The following CDKL5 variants were observed in gnomAD, a reference collection of about 807,000 sequenced individuals.
CDKL5 encodes cyclin dependent kinase like 5, also known as cyclin-dependent kinase-like 5.
CDKL5 carries 8 observed loss-of-function variants against 61.7 expected under a neutral mutation model. The observed-to-expected ratio is 0.13, with a 90% CI of 0.08 to 0.23. The LOEUF is 0.23. Ranked by LOEUF, CDKL5 falls within the 10% of genes least tolerant of loss-of-function variation. The pLI is 1.00. For synonymous variants in CDKL5, 275 were observed against 272.3 expected (o/e 1.01, Z -0.10); for missense variants, 440 against 734.5 (o/e 0.60, Z 4.63).
intron 1 of CDKL5, among the ~76,000 whole-genome samples, chrX:18,469,420 G>A (rs1168119840): frequency 1.9e-5 from 2 of 107,079 alleles, no homozygotes; most frequent in African/African-American, 3.4e-5. Flanking sequence ...AGGCCGAGGC[G>A]GGTGGATCAC....
chrX:18,651,375 G>A (rs1928042155), intron 21 of CDKL5, among the ~76,000 whole-genome samples: 1 of 109,934 alleles, frequency 9.1e-6, no homozygotes, highest in Non-Finnish European at 1.9e-5. Context: ...GGAAGATCTA[G>A]GCCTCACCAG....
intron 3 of CDKL5, among the ~76,000 whole-genome samples, chrX:18,522,311 C>T (rs1171883939): frequency 3.0e-5 from 2 of 67,152 alleles, no homozygotes; most frequent in Non-Finnish European, 5.8e-5. Flanking sequence ...GAGGCAGAGT[C>T]TTGCTCTGTT....
chrX:18,539,059 G>A (rs1204984238), intron 3 of CDKL5, among the ~76,000 whole-genome samples: 1 of 111,346 alleles, frequency 9.0e-6, no homozygotes, highest in Non-Finnish European at 1.9e-5. Flanking sequence ...ATGACTGCAG[G>A]ATCTGTAGAG....
At chrX:18,459,689 GCTTT>G (rs1282450529) in intron 1 of CDKL5, among the ~76,000 whole-genome samples, 3 of 103,461 alleles carry the variant, frequency 2.9e-5, no homozygotes, top group Non-Finnish European at 5.9e-5. Context: ...GCCTCAGGAA[GCTTT>G]CTTTCTTTTT....
At chrX:18,442,595 G>A (rs944835858) in intron 1 of CDKL5, among the ~76,000 whole-genome samples, 7 of 111,161 alleles carry the variant, frequency 6.3e-5, no homozygotes, top group Non-Finnish European at 9.4e-5. Context: ...CCGGGTTCAC[G>A]CCATTCTCCT....
chrX:18,531,738 C>T (rs1048691890), intron 3 of CDKL5, among the ~76,000 whole-genome samples: 8 of 103,642 alleles, frequency 7.7e-5, no homozygotes, highest in Non-Finnish European at 1.5e-4. Context: ...CTCGCTCTGT[C>T]GCCCAGGCCG....
At chrX:18,433,945 G>A (rs1931555185) in intron 1 of CDKL5, among the ~76,000 whole-genome samples, 1 of 112,478 alleles carries the variant, frequency 8.9e-6, no homozygotes, top group Admixed American at 9.5e-5. Context: ...GTGTCGTAGA[G>A]CAGGCTTCAT....
At chrX:18,518,385 C>CTTTTTTTTTTTTTTTTTTTTTTTTT (rs1195931109) in intron 3 of CDKL5, among the ~76,000 whole-genome samples, 2 of 22,792 alleles carry the variant, frequency 8.8e-5, no homozygotes, top group African/African-American at 3.0e-4. Context: ...CTTTTCTTTT[C>CTTTTTTTTTTTTTTTTTTTTTTTTT]TTATTTTTTT....
At chrX:18,564,856 A>T (rs1352706321) in intron 4 of CDKL5, among the ~76,000 whole-genome samples, 1 of 111,626 alleles carries the variant, frequency 9.0e-6, no homozygotes, top group Non-Finnish European at 1.9e-5. Context: ...TTATTAAAAT[A>T]AAAAAACTGG....
chrX:18,601,534 T>C (rs1215346392), intron 11 of CDKL5, among the ~76,000 whole-genome samples: 1 of 112,386 alleles, frequency 8.9e-6, no homozygotes, highest in Non-Finnish European at 1.9e-5. Flanking sequence ...TGTTGCACTT[T>C]GGCAGAGCTC....
chrX:18,557,047 T>C (rs1924629595), intron 3 of CDKL5, among the ~76,000 whole-genome samples: 2 of 111,314 alleles, frequency 1.8e-5, no homozygotes, highest in Non-Finnish European at 3.8e-5. Flanking sequence ...TAAAATACTT[T>C]AGTTATGAAG....
At chrX:18,451,171 C>T (rs1027501253) in intron 1 of CDKL5, among the ~76,000 whole-genome samples, 1 of 111,303 alleles carries the variant, frequency 9.0e-6, no homozygotes, top group African/African-American at 3.3e-5. Context: ...TAAGCCCATA[C>T]CTAAATCTTA....
chrX:18,475,752 T>C (rs1327679207), intron 1 of CDKL5, among the ~76,000 whole-genome samples: 1 of 112,617 alleles, frequency 8.9e-6, no homozygotes, highest in East Asian at 2.8e-4. Flanking sequence ...GTGGTGGTAC[T>C]TCAGTGTTCC....
intron 1 of CDKL5, among the ~76,000 whole-genome samples, chrX:18,452,761 A>G (rs928761177): frequency 9.4e-6 from 1 of 106,856 alleles, no homozygotes; most frequent in Non-Finnish European, 1.9e-5. Flanking sequence ...AAATGATTTA[A>G]TGTCATTGCA....
intron 3 of CDKL5, among the ~76,000 whole-genome samples, chrX:18,548,471 A>G (rs1285081025): frequency 1.8e-5 from 2 of 112,331 alleles, no homozygotes; most frequent in African/African-American, 3.2e-5. Context: ...TGCTTTGAAA[A>G]TCAGATTTTA....
chrX:18,427,403 G>C (rs1269089139), intron 1 of CDKL5, among the ~76,000 whole-genome samples: 1 of 109,679 alleles, frequency 9.1e-6, no homozygotes, highest in African/African-American at 3.3e-5. Context: ...TGTATGCTGA[G>C]CATTTCACAA....
intron 21 of CDKL5, among the ~76,000 whole-genome samples, chrX:18,652,538 T>A (rs781289149): frequency 9.0e-6 from 1 of 111,283 alleles, no homozygotes; most frequent in Non-Finnish European, 1.9e-5. Context: ...GCGCAGTGGT[T>A]GGCACCTGTA....
chrX:18,579,396 AT>A lies in CDKL5; in HGVS notation c.283-443del, dbSNP rs199890712. 3.2e-3 allele frequency among the ~76,000 whole-genome samples: 347 copies of A among 109,323 alleles called. 1 individual carries two copies. Among genetic ancestry groups the A allele is most frequent in the Admixed American group, 5.6e-3 (57 of 10,174 alleles). 94.9% of individuals were successfully genotyped at this position (109,323 alleles called of 115,157 possible). On this transcript the variant is annotated intron_variant, in intron 5 of 17. Transcript: ENST00000623535. The stretch of plus-strand genomic sequence containing the variant: ...GTATTGATCATTTTTAATTTTGGAC[AT>A]TTTTTTTTCTACTAAGAATATTTCG...
chrX:18,619,964 A>G lies in CDKL5; in HGVS notation c.2374A>G (p.Thr792Ala), dbSNP rs1253960118. ...SMKKKKKKSQ[T>A]VPNSDSPDLL... is the part of the protein sequence containing the mutation. Reference sequence around the variant, plus strand: ...GAAAAAGAAAAAGAAGAAATCTCAAACAGTAAGTAGATGACCAGTTTCTAT... The same window carrying G: ...GAAAAAGAAAAAGAAGAAATCTCAAGCAGTAAGTAGATGACCAGTTTCTAT... Residue 792 changes from threonine to alanine, a missense_variant and splice_region_variant, in exon 16 of 18, where the codon ACA becomes GCA. Transcript: ENST00000623535. The G allele has an allele frequency of 8.9e-7, 1 of 1,119,145 alleles. No individual in the cohort carries two copies. Among genetic ancestry groups the G allele is most frequent in the Non-Finnish European group, 1.2e-6 (1 of 813,263 alleles). The allele number at this position is 1,119,145 out of a possible 1,213,427, so 92.2% of individuals were successfully genotyped here. A position where few individuals can be genotyped will look rare whatever the true frequency, so the allele number is the denominator to read the frequency against.
Sources: gnomAD v4.1 joint callset for allele counts (sites outside exome capture counted in the v4.1 genomes callset) on GRCh38, gnomAD v4.1.1 for gene constraint, MANE v1.5 for transcripts, NCBI Gene and HGNC (gene_info 2026-07-23, HGNC 2026-07-21) for gene names.